Variants in GLYR1 observed in about 807,000 individuals in gnomAD.
GLYR1 encodes glyoxylate reductase 1 homolog.
Under a neutral mutation model 72.7 loss-of-function variants are expected in GLYR1, and 21 were observed. The ratio of observed to expected loss-of-function variants is 0.29; its 90% confidence interval spans 0.20 to 0.42. The LOEUF is 0.42. GLYR1 is among the 10% of genes least tolerant of loss of function. The pLI is 1.00. For missense variants in GLYR1, 594 were observed against 712.1 expected (o/e 0.83, Z 1.89); for synonymous variants, 392 against 270.2 (o/e 1.45, Z -4.42).
At chr16:4,833,818 G>A (rs1268241777) in intron 3 of GLYR1, among the ~76,000 whole-genome samples, 1 of 152,216 alleles carries the variant, frequency 6.6e-6, no homozygotes, top group Admixed American at 6.5e-5. Flanking sequence ...ATCTGCTGCA[G>A]CTGGCTTTCT....
At chr16:4,842,405 AATATT>A (rs1481955111) in intron 3 of GLYR1, among the ~76,000 whole-genome samples, 2 of 152,128 alleles carry the variant, frequency 1.3e-5, no homozygotes, top group South Asian at 2.1e-4. Flanking sequence ...ACTGGAGTGC[AATATT>A]GTGATCATGG....
intron 15 of GLYR1, among the ~76,000 whole-genome samples, chr16:4,807,615 G>T (rs935727516): frequency 6.6e-6 from 1 of 152,062 alleles, no homozygotes; most frequent in Non-Finnish European, 1.5e-5. Flanking sequence ...CCATCCAAAC[G>T]ACCTGAAAGC....
intron 5 of GLYR1, among the ~76,000 whole-genome samples, chr16:4,827,649 C>G (rs1481920159): frequency 6.6e-6 from 1 of 152,104 alleles, no homozygotes; most frequent in Non-Finnish European, 1.5e-5. Context: ...GCCTGTCATC[C>G]CAGCACTTTG....
At position 4,813,696 on chromosome 16, in the gene GLYR1, T is replaced by C. The variant is rs760186865; in HGVS notation, c.1119+41A>G. ...TGTAAGCCTGGGTCTTGGGCTCTGA[T>C]AGAAAAGATGCTGGAGAGCCAGCCC... On this transcript the variant is annotated intron_variant, in intron 12 of 15. Transcript: ENST00000321919. 1.1e-5 allele frequency: 16 copies of C among 1,513,798 alleles called. 1 individual carries two copies. The South Asian group carries it at 1.5e-4, about 15-fold the overall frequency. 93.8% of individuals were successfully genotyped at this position (1,513,798 alleles called of 1,614,324 possible).
chr16:4,821,177 T>G, intron 9 of GLYR1: 2 of 607,344 alleles, frequency 3.3e-6, no homozygotes, highest in Non-Finnish European at 5.8e-6. Context: ...TCCCTCAGCT[T>G]ATGCCCAAGG....
intron 3 of GLYR1, among the ~76,000 whole-genome samples, chr16:4,841,457 CAAAAAAAAAAAAAA>C (rs1160441336): frequency 9.4e-5 from 3 of 31,956 alleles, no homozygotes; most frequent in Non-Finnish European, 1.2e-4. Context: ...CTTGTCTCTA[CAAAAAAAAAAAAAA>C]AAAAAAAAAA....
intron 15 of GLYR1, among the ~76,000 whole-genome samples, 154 bp from the exon 16 acceptor site, chr16:4,805,464 C>T (rs981050041): frequency 5.3e-5 from 8 of 152,220 alleles, no homozygotes; most frequent in African/African-American, 1.9e-4. Flanking sequence ...CATGAAGCAC[C>T]TCCGTTTCTC....
chr16:4,817,116 GTATTTTC>G (rs1366084732), intron 10 of GLYR1, among the ~76,000 whole-genome samples: 1 of 149,588 alleles, frequency 6.7e-6, no homozygotes, highest in Non-Finnish European at 1.5e-5. Flanking sequence ...GCTAATTTTT[GTATTTTC>G]TATTTTTTTT....
chr16:4,821,946 A>G (rs2084058077), intron 7 of GLYR1, among the ~76,000 whole-genome samples: 1 of 152,224 alleles, frequency 6.6e-6, no homozygotes, highest in African/African-American at 2.4e-5. Context: ...CTGCATCCGC[A>G]GGACTTGGAG....
chr16:4,835,075 C>G (rs977343146), intron 3 of GLYR1, among the ~76,000 whole-genome samples: 4 of 152,094 alleles, frequency 2.6e-5, no homozygotes, highest in South Asian at 2.1e-4. Flanking sequence ...AGCTTCTGGT[C>G]AGAAGCTGAG....
intron 5 of GLYR1, among the ~76,000 whole-genome samples, chr16:4,830,704 TC>T (rs2084741270): frequency 6.6e-6 from 1 of 152,138 alleles, no homozygotes; most frequent in Non-Finnish European, 1.5e-5. Context: ...CCTGACACAG[TC>T]CCCTTCACTT....
chr16:4,846,340 A>G, intron 1 of GLYR1, 130 bp from the exon 2 acceptor site: 1 of 999,206 alleles, frequency 1.0e-6, no homozygotes, highest in African/African-American at 1.6e-5. Context: ...AAGCTTTCAT[A>G]GCTGGGCCCA....
Position 4,816,810 on chromosome 16 carries a change from A to AC in GLYR1, c.906+787dup, listed in dbSNP as rs759489826. Among the ~76,000 whole-genome samples, 15 of 152,060 alleles carry AC rather than the reference A, an allele frequency of 9.9e-5. No individual in the cohort carries two copies. The East Asian group carries it at 2.9e-3, about 30-fold the overall frequency. ...AGACCAGCCTGGCTAACATGGTGAA[A>AC]CCCCTTCTCTACTAAAAATACAAAA... On this transcript the variant is annotated intron_variant, in intron 10 of 15. Coordinates refer to ENST00000321919, the MANE Select transcript of GLYR1 (RefSeq NM_032569.4).
chr16:4,823,911 T>C lies in GLYR1; in HGVS notation c.538-4A>G. On this transcript the variant is annotated splice_region_variant and splice_polypyrimidine_tract_variant and intron_variant, in intron 5 of 15. Transcript: ENST00000321919. ...TAGACTCCGGGATGGTGAGATCCTA[T>C]AGAGGGAGGGGCAGGGCATTTTAAA... 4.3e-6 allele frequency: 7 copies of C among 1,612,102 alleles called. No individual in the cohort carries two copies. The highest frequency in any genetic ancestry group is 3.3e-5 in the South Asian group (3 of 91,016).
Position 4,845,122 on chromosome 16 carries a change from G to C in GLYR1, c.107C>G (p.Pro36Arg). The part of the protein sequence containing the change: ...IVNPPKDLKK[P>R]RGKKCFFVKF... Reference sequence around the variant, plus strand: ...CACAAAGAAGCATTTCTTTCCGCGAGGTTTCTTCAAGTCCTTTGGTGGATT... The same window carrying C: ...CACAAAGAAGCATTTCTTTCCGCGACGTTTCTTCAAGTCCTTTGGTGGATT... Residue 36 changes from proline (P) to arginine (R), a missense_variant, in exon 3 of 16, where the codon CCT (proline) becomes CGT (arginine). By Grantham distance (103) the Pro-to-Arg change is moderately radical. Around this residue, in one of 5 missense-constraint regions of GLYR1, gnomAD observed 62 missense variants for 82.5 expected, o/e 0.75. Coordinates refer to ENST00000321919, the MANE Select transcript of GLYR1 (RefSeq NM_032569.4). The C allele has an allele frequency of 6.2e-7, 1 of 1,614,100 alleles. No homozygotes were observed.
Position 4,832,823 on chromosome 16 carries a change from G to A in GLYR1, c.245C>T (p.Ala82Val). 1.2e-6 allele frequency: 2 copies of A among 1,613,392 alleles called. No homozygotes were observed. The highest frequency in any genetic ancestry group is 8.5e-7 in the Non-Finnish European group (1 of 1,179,674). Residue 82 changes from alanine (A) to valine (V), a missense_variant, in exon 4 of 16, where the codon GCG becomes GTG. Physicochemically the swap from Ala to Val is moderately conservative, Grantham distance 64 (BLOSUM62 0). Around this residue, in one of 5 missense-constraint regions of GLYR1, gnomAD observed 4 missense variants for 21.9 expected, o/e 0.18. Transcript: ENST00000321919. ...GAGGAACTCTTCGACAGCATCTACCGCTTGCTGGAATCGTTTACCCTTGTT... is the reference window on the plus strand; with the variant it reads ...GAGGAACTCTTCGACAGCATCTACCACTTGCTGGAATCGTTTACCCTTGTT... ...KINKGKRFQQ[A>V]VDAVEEFLRR...
intron 3 of GLYR1, among the ~76,000 whole-genome samples, chr16:4,834,896 G>A (rs1462749777): frequency 6.6e-6 from 1 of 152,140 alleles, no homozygotes. Flanking sequence ...AACTGACTCC[G>A]TTCCCTCTCC....
intron 4 of GLYR1, 31 bp downstream of exon 4, chr16:4,832,743 A>C: frequency 6.3e-7 from 1 of 1,582,930 alleles, no homozygotes; most frequent in East Asian, 2.3e-5. Flanking sequence ...CCAGTCTGGC[A>C]TTGGTAGAAA....
chr16:4,811,843 C>A, intron 13 of GLYR1, 41 bp from the exon 14 acceptor site: 2 of 1,585,342 alleles, frequency 1.3e-6, no homozygotes, highest in South Asian at 1.1e-5. Context: ...CCAAGAATGC[C>A]ACAGACAGGG....
Sources: allele counts gnomAD v4.1 joint callset (sites outside exome capture counted in the v4.1 genomes callset), GRCh38; gene constraint gnomAD v4.1.1; regional missense constraint gnomAD v4.1.1; transcripts MANE v1.5; gene names NCBI Gene and HGNC (gene_info 2026-07-23, HGNC 2026-07-21).